The following BRD10 variants were observed in gnomAD, a reference collection of about 807,000 sequenced individuals.
The protein encoded by BRD10 is uncharacterized bromodomain-containing protein 10.
the BRD10 span, among the ~76,000 whole-genome samples, chr9:5,887,034 G>C: frequency 9.2e-5 from 14 of 152,076 alleles, no homozygotes; most frequent in Admixed American, 1.3e-4. Flanking sequence ...AGAGGTGGGC[G>C]GACCACTAGA....
the BRD10 span, among the ~76,000 whole-genome samples, chr9:5,996,954 G>C: frequency 6.6e-6 from 1 of 152,180 alleles, no homozygotes; most frequent in Admixed American, 6.5e-5. Flanking sequence ...TAATGAGTCT[G>C]CAAAGTACGC....
At chr9:5,991,327 A>G in the BRD10 span, among the ~76,000 whole-genome samples, 1 of 151,914 alleles carries the variant, frequency 6.6e-6, no homozygotes, top group Non-Finnish European at 1.5e-5. Flanking sequence ...ATGAGTTCAA[A>G]CTCTCATCTA....
the BRD10 span, among the ~76,000 whole-genome samples, chr9:5,967,710 A>C: frequency 1.7e-4 from 26 of 148,744 alleles, no homozygotes; most frequent in Admixed American, 4.0e-4. Context: ...AAAAAAAAAA[A>C]ACACACATTT....
chr9:5,946,838 C>G, the BRD10 span, among the ~76,000 whole-genome samples: 1 of 152,100 alleles, frequency 6.6e-6, no homozygotes, highest in Non-Finnish European at 1.5e-5. Flanking sequence ...TAAATGAAAA[C>G]ATATACTCCT....
At chr9:5,973,203 G>A in the BRD10 span, among the ~76,000 whole-genome samples, 155 of 152,180 alleles carry the variant, frequency 1.0e-3, no homozygotes, top group African/African-American at 3.6e-3. Flanking sequence ...CCTGTGGCTC[G>A]TGCCTGTAAT....
At chr9:5,943,816 T>C in the BRD10 span, among the ~76,000 whole-genome samples, 1 of 152,188 alleles carries the variant, frequency 6.6e-6, no homozygotes, top group Non-Finnish European at 1.5e-5. Context: ...ATCATGAGCA[T>C]TTATTCTCTT....
At chr9:5,952,170 G>T in the BRD10 span, among the ~76,000 whole-genome samples, 6 of 152,024 alleles carry the variant, frequency 3.9e-5, no homozygotes, top group Admixed American at 3.9e-4. Context: ...ACAGGCACAT[G>T]CCACCACACC....
At chr9:5,979,011 TG>T in the BRD10 span, among the ~76,000 whole-genome samples, 1 of 152,222 alleles carries the variant, frequency 6.6e-6, no homozygotes, top group Non-Finnish European at 1.5e-5. Flanking sequence ...AAATGCTGGG[TG>T]GCCACAAATG....
the BRD10 span, chr9:6,007,990 G>A: frequency 1.6e-6 from 2 of 1,277,772 alleles, no homozygotes; most frequent in Non-Finnish European, 2.0e-6. Flanking sequence ...CATGGCGCGC[G>A]AGGAGGGGGG....
the BRD10 span, among the ~76,000 whole-genome samples, chr9:5,961,367 T>C: frequency 1.3e-5 from 2 of 152,208 alleles, no homozygotes; most frequent in Non-Finnish European, 2.9e-5. Flanking sequence ...GAAAGGGCTA[T>C]TCTTTTTGCT....
At chr9:5,974,423 A>C in the BRD10 span, among the ~76,000 whole-genome samples, 1 of 152,308 alleles carries the variant, frequency 6.6e-6, no homozygotes, top group South Asian at 2.1e-4. Flanking sequence ...CAACAACAAA[A>C]AAATCCTAAT....
At chr9:5,968,589 A>C in the BRD10 span, 1 of 1,613,852 alleles carries the variant, frequency 6.2e-7, no homozygotes, top group Non-Finnish European at 8.5e-7. Context: ...TTAGCAGGAC[A>C]GCAAGCTGGA....
At chr9:5,985,583 C>G in the BRD10 span, among the ~76,000 whole-genome samples, 1 of 152,112 alleles carries the variant, frequency 6.6e-6, no homozygotes, top group African/African-American at 2.4e-5. Flanking sequence ...GTTGGGAGTT[C>G]AAGACCATCC....
At chr9:5,904,980 A>G in the BRD10 span, among the ~76,000 whole-genome samples, 8 of 151,782 alleles carry the variant, frequency 5.3e-5, no homozygotes, top group Non-Finnish European at 8.8e-5. Flanking sequence ...TCACTGTGTT[A>G]GCCAGGATGG....
the BRD10 span, among the ~76,000 whole-genome samples, chr9:5,949,718 T>C: frequency 3.3e-5 from 5 of 152,224 alleles, no homozygotes; most frequent in Admixed American, 6.6e-5. Context: ...TTAAAACTTA[T>C]GTTATTGAGA....
chr9:5,921,029 G>A, the BRD10 span: 2 of 1,613,772 alleles, frequency 1.2e-6, no homozygotes, highest in Non-Finnish European at 1.7e-6. Context: ...ATTTGCTCCG[G>A]TAACTGAAAG....
chr9:5,890,622 C>CATGTCATATTTT, the BRD10 span, among the ~76,000 whole-genome samples: 1 of 152,092 alleles, frequency 6.6e-6, no homozygotes. Flanking sequence ...TAACTAGGCT[C>CATGTCATATTTT]ATGTCATATT....
chr9:5,945,545 T>G, the BRD10 span, among the ~76,000 whole-genome samples: 1 of 152,148 alleles, frequency 6.6e-6, no homozygotes, highest in Non-Finnish European at 1.5e-5. Flanking sequence ...TCTCCACAGA[T>G]AGCATCTATT....
At chr9:5,997,991 A>G in the BRD10 span, among the ~76,000 whole-genome samples, 3 of 152,228 alleles carry the variant, frequency 2.0e-5, no homozygotes, top group South Asian at 2.1e-4. Context: ...ATAGAAAGAA[A>G]TAGGCAAGAT....
Sources: gnomAD v4.1 joint callset for allele counts (sites outside exome capture counted in the v4.1 genomes callset) on GRCh38, gnomAD v4.1.1 for gene constraint, MANE v1.5 for transcripts, NCBI Gene and HGNC (gene_info 2026-07-23, HGNC 2026-07-21) for gene names.